DNAH11: variants seen among roughly 807,000 people sequenced by gnomAD.
The protein encoded by DNAH11 is axonemal beta dynein heavy chain 11.
A neutral mutation model predicts 526.0 loss-of-function variants in DNAH11; 442 were observed. That is an observed-to-expected ratio of 0.84 (90% CI 0.78 to 0.91). The LOEUF is 0.91. Among genes scored for constraint, DNAH11 ranks in the 40% least tolerant of loss-of-function variants. The pLI, the probability that DNAH11 is intolerant of heterozygous loss-of-function variation, is 0.00. For synonymous variants in DNAH11, 2,461 were observed against 1,935.9 expected, an observed-to-expected ratio of 1.27 and a Z score of -7.12; for missense variants, 6,989 against 5,448.7, an observed-to-expected ratio of 1.28 and a Z score of -8.90.
chr7:21,646,673 C>T (rs906087664), intron 28 of DNAH11, among the ~76,000 whole-genome samples: 13 of 152,142 alleles, frequency 8.5e-5, no homozygotes, highest in Non-Finnish European at 1.9e-4. Context: ...GAAATAATGG[C>T]TGCTTCTACC....
intron 30 of DNAH11, among the ~76,000 whole-genome samples, chr7:21,668,756 C>T (rs1782521920): frequency 6.6e-6 from 1 of 152,168 alleles, no homozygotes; most frequent in Non-Finnish European, 1.5e-5. Flanking sequence ...ATTTGGGTTT[C>T]CAGTTTGAGA....
intron 30 of DNAH11, among the ~76,000 whole-genome samples, chr7:21,665,662 T>G (rs1208675614): frequency 6.6e-6 from 1 of 152,196 alleles, no homozygotes; most frequent in African/African-American, 2.4e-5. Context: ...CACTTTGTTC[T>G]AGAGTTAAAT....
At chr7:21,796,068 C>T (rs535497690) in intron 61 of DNAH11, among the ~76,000 whole-genome samples, 21 of 152,192 alleles carry the variant, frequency 1.4e-4, no homozygotes, top group South Asian at 8.3e-4. Context: ...CATGATCACA[C>T]GGGAAATTGC....
chr7:21,869,468 G>A (rs181166558), intron 73 of DNAH11, among the ~76,000 whole-genome samples: 1 of 133,282 alleles, frequency 7.5e-6, no homozygotes, highest in Non-Finnish European at 1.6e-5. Context: ...ATTGAAGGGT[G>A]GGGGGAATGG....
rs189573246 is a variant in DNAH11, at chr7:21,857,825, T to C, written c.11202+3370T>C. Among the ~76,000 whole-genome samples the C allele has an allele frequency of 1.6e-3, 239 of 152,240 alleles. 1 individual carries two copies. Among genetic ancestry groups the C allele is most frequent in the Non-Finnish European group, 2.7e-3 (187 of 68,008 alleles). On this transcript the variant is annotated intron_variant, in intron 68 of 81. Coordinates refer to ENST00000409508, the MANE Select transcript of DNAH11 (RefSeq NM_001277115.2). ...TTATACTATATAAAAAAATTCAAAA[T>C]GAATTTATTAAGCTATACATTTTCT...
chr7:21,631,129 G>T (rs1786583640), intron 25 of DNAH11, among the ~76,000 whole-genome samples: 2 of 152,294 alleles, frequency 1.3e-5, no homozygotes, highest in South Asian at 2.1e-4. Flanking sequence ...AGAGAAGAAA[G>T]CTTGTGCAGG....
At chr7:21,873,878 C>T (rs1662566818) in intron 74 of DNAH11, among the ~76,000 whole-genome samples, 1 of 143,648 alleles carries the variant, frequency 7.0e-6, no homozygotes, top group Non-Finnish European at 1.5e-5. Context: ...GCAACTTCCA[C>T]CTCCCGGGTT....
At chr7:21,743,649 T>A (rs1215770765) in intron 49 of DNAH11, among the ~76,000 whole-genome samples, 1 of 152,228 alleles carries the variant, frequency 6.6e-6, no homozygotes, top group Non-Finnish European at 1.5e-5. Flanking sequence ...GCAATTCTTT[T>A]CGTGTCTGTG....
intron 20 of DNAH11, among the ~76,000 whole-genome samples, chr7:21,611,834 A>G (rs2128450989): frequency 1.3e-5 from 2 of 152,228 alleles, no homozygotes; most frequent in East Asian, 3.9e-4. Context: ...AAAATGCAAT[A>G]TATTTACCAC....
chr7:21,717,644 T>C, intron 42 of DNAH11, 131 bp from the exon 43 acceptor site: 3 of 1,048,060 alleles, frequency 2.9e-6, no homozygotes, highest in Non-Finnish European at 1.3e-6. Flanking sequence ...GTTTGAAAAA[T>C]AGAACGAACT....
intron 25 of DNAH11, among the ~76,000 whole-genome samples, chr7:21,621,944 A>G (rs562201389): frequency 6.6e-6 from 1 of 152,316 alleles, no homozygotes; most frequent in South Asian, 2.1e-4. Flanking sequence ...CTCCTATTCA[A>G]CATAGTGTTG....
At chr7:21,669,946 C>A (rs1236596207) in intron 30 of DNAH11, among the ~76,000 whole-genome samples, 1 of 152,048 alleles carries the variant, frequency 6.6e-6, no homozygotes, top group African/African-American at 2.4e-5. Context: ...TTGTAGTAAT[C>A]CTTAAAGTCA....
Position 21,591,218 on chromosome 7 carries a change from T to G in DNAH11, c.2308T>G (p.Tyr770Asp). Residue 770 changes from tyrosine (Y) to aspartate (D), a missense_variant, in exon 14 of 82, where the codon TAT (tyrosine) becomes GAT (aspartate). Coordinates refer to ENST00000409508, the MANE Select transcript of DNAH11 (RefSeq NM_001277115.2). ...AAATCTTGACCTTCTTGTGCAAGGG[T>G]ATAATAAACTCAAACAGACGCTCCT... is the stretch of plus-strand genomic sequence containing the variant. ...IGNLDLLVQG[Y>D]NKLKQTLLEV... The G allele has an allele frequency of 6.4e-7, 1 of 1,567,884 alleles. No individual in the cohort carries two copies. Among genetic ancestry groups the G allele is most frequent in the South Asian group, 1.2e-5 (1 of 82,974 alleles).
intron 35 of DNAH11, among the ~76,000 whole-genome samples, chr7:21,693,048 G>A (rs577401133): frequency 6.6e-6 from 1 of 152,106 alleles, no homozygotes; most frequent in African/African-American, 2.4e-5. Context: ...TCAATTTGTG[G>A]CTTGCCTTTT....
intron 25 of DNAH11, among the ~76,000 whole-genome samples, chr7:21,635,346 C>T (rs1192387627): frequency 2.6e-5 from 4 of 152,138 alleles, no homozygotes; most frequent in South Asian, 2.1e-4. Context: ...TTAGTAGAGA[C>T]GGGGTTTTAC....
At chr7:21,710,486 A>G (rs979284149) in intron 40 of DNAH11, 67 bp from the exon 41 acceptor site, 13 of 1,418,176 alleles carry the variant, frequency 9.2e-6, no homozygotes, top group Non-Finnish European at 1.2e-5. Flanking sequence ...TTAATAAAAG[A>G]GCTTCCAAGA....
chr7:21,627,337 A>C (rs1249063275), intron 25 of DNAH11, among the ~76,000 whole-genome samples: 1 of 152,138 alleles, frequency 6.6e-6, no homozygotes, highest in Non-Finnish European at 1.5e-5. Flanking sequence ...TTACACACAC[A>C]CACAAAATCT....
intron 14 of DNAH11, among the ~76,000 whole-genome samples, chr7:21,593,451 C>A (rs1018061252): frequency 6.6e-6 from 1 of 151,988 alleles, no homozygotes; most frequent in African/African-American, 2.4e-5. Context: ...GTACCTGGGG[C>A]CTGTGTATCA....
In DNAH11 at chr7:21,867,753, C is replaced by T. The variant is rs1583791097; in HGVS notation, c.11691-106C>T. ...CTAACAAGACATCCCATGTAATAAA[C>T]CTGGTTACTTCTATCGTGTGCCTGT... On this transcript the variant is annotated intron_variant, in intron 71 of 81. Coordinates refer to ENST00000409508, the MANE Select transcript of DNAH11 (RefSeq NM_001277115.2). 7.9e-6 allele frequency: 8 copies of T among 1,007,812 alleles called. No individual in the cohort carries two copies. In the South Asian group the frequency reaches 1.2e-4, roughly 14 times the overall value. 62.4% of individuals were successfully genotyped at this position (1,007,812 alleles called of 1,614,324 possible). A position where few individuals can be genotyped will look rare whatever the true frequency, so the allele number is the denominator to read the frequency against.
Sources: gnomAD v4.1 joint callset for allele counts (sites outside exome capture counted in the v4.1 genomes callset) on GRCh38, gnomAD v4.1.1 for gene constraint, MANE v1.5 for transcripts, NCBI Gene and HGNC (gene_info 2026-07-23, HGNC 2026-07-21) for gene names.